PLAU: variants seen among roughly 807,000 people sequenced by gnomAD.
PLAU encodes urokinase-type plasminogen activator.
A neutral mutation model predicts 48.9 loss-of-function variants in PLAU; 32 were observed. That is an observed-to-expected ratio of 0.65 (90% CI 0.49 to 0.88). The LOEUF (loss-of-function observed/expected upper bound fraction) is 0.88, where lower values mean the gene tolerates loss of function less well. Ranked by LOEUF, PLAU falls within the 40% of genes least tolerant of loss-of-function variation. PLAU has a pLI of 0.00. For synonymous variants in PLAU, 199 were observed against 205.7 expected, an observed-to-expected ratio of 0.97 and a Z score of 0.28; for missense variants, 455 against 545.2, an observed-to-expected ratio of 0.83 and a Z score of 1.65.
intron 5 of PLAU, 50 bp downstream of exon 5, chr10:73,913,148 A>G: frequency 6.3e-7 from 1 of 1,595,480 alleles, no homozygotes. Context: ...GCTTCCCAGA[A>G]ACCTTGTTAC....
chr10:73,916,384 CACAGG>C lies in PLAU; in HGVS notation c.1120-4_1120del. On this transcript the variant is annotated splice_acceptor_variant and splice_polypyrimidine_tract_variant and coding_sequence_variant and intron_variant, in exon 11 of 11. Transcript: ENST00000372764. LOFTEE classifies it high-confidence loss of function. ...GGCTCATCTTTTGTATCTTTGGCGTCACAGGGAGACTCAGGGGGACCCCTCGTCTG... is the reference window on the plus strand; with the variant it reads ...GGCTCATCTTTTGTATCTTTGGCGTCGAGACTCAGGGGGACCCCTCGTCTG... 1 of 1,611,704 alleles carries C rather than the reference CACAGG, an allele frequency of 6.2e-7. No individual in the cohort carries two copies. The highest frequency in any genetic ancestry group is 8.5e-7 in the Non-Finnish European group (1 of 1,178,844).
At chr10:73,916,229 C>A (rs930448435) in intron 10 of PLAU, among the ~76,000 whole-genome samples, 160 bp from the exon 11 acceptor site, 2 of 152,088 alleles carry the variant, frequency 1.3e-5, no homozygotes, top group Non-Finnish European at 2.9e-5. Context: ...GGCGACAGAG[C>A]GAGATTCTGT....
At position 73,912,160 on chromosome 10, in the gene PLAU, G is replaced by A. The variant is rs760592972; in HGVS notation, c.86-55G>A. The A allele has an allele frequency of 5.9e-5, 95 of 1,613,188 alleles. No homozygotes were observed. The Admixed American group carries it at 8.3e-4, about 14-fold the overall frequency. On this transcript the variant is annotated intron_variant, in intron 3 of 10. Coordinates refer to ENST00000372764, the MANE Select transcript of PLAU (RefSeq NM_002658.6). ...TCCCTGCCCTCTGCTGCAGGGCTGCGCCACCCCTTACCACTTCCACTCCCC... is the reference window on the plus strand; with the variant it reads ...TCCCTGCCCTCTGCTGCAGGGCTGCACCACCCCTTACCACTTCCACTCCCC...
At chr10:73,915,527 C>A in intron 10 of PLAU, 128 bp downstream of exon 10, 1 of 866,322 alleles carries the variant, frequency 1.2e-6, no homozygotes, top group Non-Finnish European at 1.7e-6. Flanking sequence ...GAGCTCAGGT[C>A]TTTGAGGGTT....
chr10:73,911,918 C>G (rs371542108), intron 2 of PLAU, 123 bp from the exon 3 acceptor site: 25 of 1,594,808 alleles, frequency 1.6e-5, no homozygotes, highest in African/African-American at 4.0e-5. Flanking sequence ...GAACTAGATA[C>G]GAACAGGGTG....
chr10:73,914,025 A>T lies in PLAU; in HGVS notation c.726A>T (p.Ser242=), dbSNP rs771958773. 4.3e-6 allele frequency: 7 copies of T among 1,613,904 alleles called. No homozygotes were observed. The highest frequency in any genetic ancestry group is 1.7e-5 in the Admixed American group (1 of 60,000). ...ACTACATCGTCTACCTGGGTCGCTC[A>T]AGGCTTAACTCCAACACGCAAGGGG... ...KEDYIVYLGR[S]RLNSNTQGEM... is the part of the protein sequence containing the mutation. Residue 242 remains serine, a synonymous_variant, in exon 8 of 11, where the codon TCA becomes TCT. Coordinates refer to ENST00000372764, the MANE Select transcript of PLAU (RefSeq NM_002658.6).
intron 9 of PLAU, 115 bp from the exon 10 acceptor site, chr10:73,915,136 A>G (rs1014987014): frequency 3.0e-5 from 36 of 1,196,684 alleles, no homozygotes; most frequent in African/African-American, 2.1e-4. Context: ...TCAGATTTGC[A>G]TGGAAGAGAA....
Position 73,912,275 on chromosome 10 carries a change from A to C in PLAU, c.146A>C (p.His49Pro). The C allele has an allele frequency of 6.2e-7, 1 of 1,613,284 alleles. No homozygotes were observed. The highest frequency in any genetic ancestry group is 2.2e-5 in the East Asian group (1 of 44,824). Residue 49 changes from histidine to proline, a missense_variant, in exon 4 of 11, where the codon CAC (histidine) becomes CCC (proline). Physicochemically the swap from His to Pro is moderately conservative, Grantham distance 77. Transcript: ENST00000372764. ...CVSNKYFSNI[H>P]WCNCPKKFGG... ...TCCAACAAGTACTTCTCCAACATTC[A>C]CTGGTGCAACTGCCCAAAGAAATTC...
chr10:73,909,072 A>C (rs2131709622), upstream of PLAU: 2 of 151,952 alleles, frequency 1.3e-5, no homozygotes, highest in Non-Finnish European at 2.9e-5. Flanking sequence ...TGCTAGGTGA[A>C]GAGGTGGCAC....
At chr10:73,916,251 A>C in intron 10 of PLAU, 138 bp from the exon 11 acceptor site, 3 of 783,460 alleles carry the variant, frequency 3.8e-6, no homozygotes, top group Non-Finnish European at 6.3e-6. Flanking sequence ...CTCCCCCCGA[A>C]AAAAAGAAAG....
chr10:73,916,566 G>C lies in PLAU; in HGVS notation c.*1G>C. Reference sequence around the variant, plus strand: ...GGAAGAGAATGGCCTGGCCCTCTGAGGGTCCCCAGGGAGGAAACGGGCACC... The same window carrying C: ...GGAAGAGAATGGCCTGGCCCTCTGACGGTCCCCAGGGAGGAAACGGGCACC... On this transcript the variant is annotated 3_prime_UTR_variant, in exon 11 of 11. Coordinates refer to ENST00000372764, the MANE Select transcript of PLAU (RefSeq NM_002658.6). The C allele has an allele frequency of 6.2e-7, 1 of 1,602,720 alleles. No homozygotes were observed. Among genetic ancestry groups the C allele is most frequent in the Non-Finnish European group, 8.5e-7 (1 of 1,172,994 alleles).
chr10:73,916,681 G>C lies in PLAU; in HGVS notation c.*116G>C, dbSNP rs563923793. The C allele has an allele frequency of 1.5e-5, 13 of 865,264 alleles. No individual in the cohort carries two copies. Among genetic ancestry groups the C allele is most frequent in the Admixed American group, 5.5e-5 (2 of 36,086 alleles). 53.6% of individuals were successfully genotyped at this position (865,264 alleles called of 1,614,324 possible). A position where few individuals can be genotyped will look rare whatever the true frequency, so the allele number is the denominator to read the frequency against. On this transcript the variant is annotated 3_prime_UTR_variant, in exon 11 of 11. Transcript: ENST00000372764. ...TGGGAAGATAGGCTCTGCACAGATG[G>C]ATTTGCCTGTGCCACCCACCAGGGC... is the stretch of plus-strand genomic sequence containing the variant.
At chr10:73,912,117 G>C in intron 3 of PLAU, 49 bp downstream of exon 3, 1 of 1,605,392 alleles carries the variant, frequency 6.2e-7, no homozygotes, top group Non-Finnish European at 8.5e-7. Context: ...AGTTGGGAAG[G>C]CTTCAGGGGA....
At position 73,914,804 on chromosome 10, in the gene PLAU, C is replaced by A. The variant is rs1289938551; in HGVS notation, c.858C>A (p.Gly286=). ...IALLKIRSKE[G]RCAQPSRTIQ... is the part of the protein sequence containing the mutation. Reference sequence around the variant, plus strand: ...TGCTGAAGATCCGTTCCAAGGAGGGCAGGTGTGCGCAGCCATCCCGGACTA... The same window carrying A: ...TGCTGAAGATCCGTTCCAAGGAGGGAAGGTGTGCGCAGCCATCCCGGACTA... The change falls in exon 9 of 11, where the codon GGC becomes GGA. Residue 286 remains glycine (G), a synonymous_variant. Transcript: ENST00000372764. The A allele has an allele frequency of 6.2e-7, 1 of 1,614,064 alleles. No individual in the cohort carries two copies. The highest frequency in any genetic ancestry group is 8.5e-7 in the Non-Finnish European group (1 of 1,179,934).
rs547149070 is a variant in PLAU at position 73,916,821 on chromosome 10, T to C, written c.*256T>C. 1 of 463,292 alleles carries C rather than the reference T, an allele frequency of 2.2e-6. No homozygotes were observed. The highest frequency in any genetic ancestry group is 3.6e-5 in the East Asian group (1 of 27,880). The allele number at this position is 463,292 out of a possible 1,614,324, so 28.7% of individuals were successfully genotyped here. ...CATGTTACTGACCAGCAACTTGTCT[T>C]TTTCTGGACTGAAGCCTGCAGGAGT... On this transcript the variant is annotated 3_prime_UTR_variant, in exon 11 of 11. Transcript: ENST00000372764.
At position 73,913,375 on chromosome 10, in the gene PLAU, G is replaced by C; in HGVS notation, c.454G>C (p.Ala152Pro). The C allele has an allele frequency of 6.2e-7, 1 of 1,613,508 alleles. No individual in the cohort carries two copies. Among genetic ancestry groups the C allele is most frequent in the Middle Eastern group, 1.7e-4 (1 of 6,056 alleles). ...CCAAGAGTGCATGGTGCATGACTGC[G>C]CAGATGGTGAGCATCACTGACCTGC... ...LVQECMVHDC[A>P]DGKKPSSPPE... The change falls in exon 6 of 11, where the codon GCA (alanine) becomes CCA (proline). Residue 152 changes from alanine to proline, a missense_variant. Physicochemically the swap from Ala to Pro is conservative, Grantham distance 27 (BLOSUM62 -1). Coordinates refer to ENST00000372764, the MANE Select transcript of PLAU (RefSeq NM_002658.6).
chr10:73,913,810 T>A (rs2096130255), intron 7 of PLAU, 52 bp downstream of exon 7: 2 of 1,450,234 alleles, frequency 1.4e-6, no homozygotes, highest in African/African-American at 1.4e-5. Context: ...CCCAAGCACA[T>A]CCCTTTCTCC....
chr10:73,911,816 C>T (rs1454500716), intron 2 of PLAU: 4 of 1,551,680 alleles, frequency 2.6e-6, no homozygotes, highest in Middle Eastern at 1.7e-4. Context: ...AAGAGGCCGC[C>T]GGGACTGCCC....
In PLAU at chr10:73,912,912, GT is replaced by G. The variant is rs755195973; in HGVS notation, c.194-11del. ...CTTTCTCATATTCTCTCATCCTCCTGTCCCCTTGTAGATAAGTCAAAAACCT... is the reference window on the plus strand; with the variant it reads ...CTTTCTCATATTCTCTCATCCTCCTGCCCCTTGTAGATAAGTCAAAAACCT... On this transcript the variant is annotated splice_polypyrimidine_tract_variant and intron_variant, in intron 4 of 10. Coordinates refer to ENST00000372764, the MANE Select transcript of PLAU (RefSeq NM_002658.6). 1.3e-6 allele frequency: 2 copies of G among 1,586,522 alleles called. No homozygotes were observed. Among genetic ancestry groups the G allele is most frequent in the Non-Finnish European group, 1.7e-6 (2 of 1,165,270 alleles).
Sources: gnomAD v4.1 joint callset for allele counts (sites outside exome capture counted in the v4.1 genomes callset) on GRCh38, gnomAD v4.1.1 for gene constraint, MANE v1.5 for transcripts, NCBI Gene and HGNC (gene_info 2026-07-23, HGNC 2026-07-21) for gene names.